The following CNTNAP2 variants were observed in gnomAD, a reference collection of about 807,000 sequenced individuals.
CNTNAP2 encodes contactin-associated protein-like 2.
A neutral mutation model predicts 155.2 loss-of-function variants in CNTNAP2; 98 were observed. That is an observed-to-expected ratio of 0.63 (90% CI 0.54 to 0.75). The LOEUF (loss-of-function observed/expected upper bound fraction) is 0.75. Among genes scored for constraint, CNTNAP2 ranks in the 30% least tolerant of loss-of-function variants. The pLI is 0.00. For missense variants in CNTNAP2, 1,727 were observed against 1,688.1 expected (o/e 1.02, Z -0.40); for synonymous variants, 651 against 631.2 (o/e 1.03, Z -0.47).
Position 147,128,811 on chromosome 7 carries a change from G to A in CNTNAP2, c.1058G>A (p.Arg353Lys). The change falls in exon 7 of 24, where the codon AGG (arginine) becomes AAG (lysine). Residue 353 changes from arginine (R) to lysine (K), a missense_variant. Arg to Lys is a conservative substitution (Grantham distance 26). Transcript: ENST00000361727. ...NGVNITDLAR[R>K]KKLEPSNVGN... ...GTCAACATTACTGATCTTGCCAGAA[G>A]GAAGAAATTAGAGCCCTCAAATGTG... 5 of 1,614,012 alleles carry A rather than the reference G, an allele frequency of 3.1e-6. No homozygotes were observed. Among genetic ancestry groups the A allele is most frequent in the Non-Finnish European group, 4.2e-6 (5 of 1,179,924 alleles).
chr7:148,259,408 T>A (rs534399970), intron 20 of CNTNAP2, among the ~76,000 whole-genome samples: 1 of 151,358 alleles, frequency 6.6e-6, no homozygotes, highest in African/African-American at 2.4e-5. Flanking sequence ...AATCTCTCCA[T>A]AATCACTTTA....
At chr7:147,609,846 G>A (rs997037252) in intron 12 of CNTNAP2, among the ~76,000 whole-genome samples, 5 of 151,994 alleles carry the variant, frequency 3.3e-5, no homozygotes, top group Admixed American at 2.6e-4. Context: ...TTCTTCCCAG[G>A]GAAGAAGGTA....
chr7:146,622,151 G>A (rs546657239), intron 1 of CNTNAP2, among the ~76,000 whole-genome samples: 2 of 101,678 alleles, frequency 2.0e-5, no homozygotes, highest in East Asian at 2.1e-4. Flanking sequence ...ATACACACAC[G>A]TATATATATA....
chr7:147,393,971 T>C (rs188862047), intron 9 of CNTNAP2, among the ~76,000 whole-genome samples: 1 of 152,128 alleles, frequency 6.6e-6, no homozygotes, highest in Admixed American at 6.6e-5. Flanking sequence ...CTATCCTTGG[T>C]CAAAAAGAAT....
At chr7:146,175,328 C>A (rs2116827081) in intron 1 of CNTNAP2, among the ~76,000 whole-genome samples, 1 of 152,226 alleles carries the variant, frequency 6.6e-6, no homozygotes, top group South Asian at 2.1e-4. Context: ...GGCTAAGAGG[C>A]AGTTTTGAAG....
At chr7:147,110,568 C>A (rs1384089046) in intron 5 of CNTNAP2, among the ~76,000 whole-genome samples, 6 of 152,216 alleles carry the variant, frequency 3.9e-5, no homozygotes, top group Admixed American at 2.0e-4. Flanking sequence ...TTGTTCCTCT[C>A]TATGTGTCCA....
chr7:148,284,092 T>C (rs1159748468), intron 21 of CNTNAP2, among the ~76,000 whole-genome samples: 2 of 152,214 alleles, frequency 1.3e-5, no homozygotes, highest in Non-Finnish European at 2.9e-5. Flanking sequence ...TGATGATACA[T>C]TATGTTTTTA....
chr7:147,756,031 C>T (rs1037540104), intron 13 of CNTNAP2, among the ~76,000 whole-genome samples: 2 of 152,164 alleles, frequency 1.3e-5, no homozygotes, highest in Non-Finnish European at 2.9e-5. Flanking sequence ...CTTTTGGGGA[C>T]AGCTAAGTAA....
chr7:146,121,095 G>A (rs1157227080), intron 1 of CNTNAP2, among the ~76,000 whole-genome samples: 1 of 121,796 alleles, frequency 8.2e-6, no homozygotes, highest in African/African-American at 3.0e-5. Flanking sequence ...TTACTCAAAT[G>A]TCTTAAAGTT....
chr7:146,646,628 T>C (rs1442407342), intron 1 of CNTNAP2, among the ~76,000 whole-genome samples: 1 of 152,184 alleles, frequency 6.6e-6, no homozygotes, highest in African/African-American at 2.4e-5. Context: ...GGACATATTC[T>C]CAAATTTTCT....
chr7:146,316,300 G>C (rs1032705514), intron 1 of CNTNAP2, among the ~76,000 whole-genome samples: 1 of 151,734 alleles, frequency 6.6e-6, no homozygotes, highest in South Asian at 2.1e-4. Flanking sequence ...TCCCTTTCTT[G>C]TCAGTTTTAG....
chr7:146,267,181 C>T (rs1165834166), intron 1 of CNTNAP2, among the ~76,000 whole-genome samples: 1 of 151,958 alleles, frequency 6.6e-6, no homozygotes, highest in Non-Finnish European at 1.5e-5. Context: ...GTTTAGTAAC[C>T]CTCTTTTTAT....
At chr7:146,419,652 A>C (rs1349107323) in intron 1 of CNTNAP2, among the ~76,000 whole-genome samples, 2 of 152,290 alleles carry the variant, frequency 1.3e-5, no homozygotes, top group Non-Finnish European at 2.9e-5. Context: ...CAAATGGCAA[A>C]GATATGAAAA....
At chr7:146,860,863 T>C (rs1795085212) in intron 3 of CNTNAP2, among the ~76,000 whole-genome samples, 1 of 152,050 alleles carries the variant, frequency 6.6e-6, no homozygotes, top group Admixed American at 6.6e-5. Context: ...CTCCTTTGGA[T>C]TAAGATAATT....
chr7:146,471,407 C>T (rs2129126667), intron 1 of CNTNAP2, among the ~76,000 whole-genome samples: 1 of 152,336 alleles, frequency 6.6e-6, no homozygotes, highest in Admixed American at 6.5e-5. Flanking sequence ...TCTTGGTTCT[C>T]TGCTTTTATG....
At chr7:147,719,291 T>A (rs561036490) in intron 13 of CNTNAP2, among the ~76,000 whole-genome samples, 2 of 152,188 alleles carry the variant, frequency 1.3e-5, no homozygotes, top group East Asian at 1.9e-4. Context: ...TCTCTCTCTC[T>A]CACATTCGAT....
chr7:146,670,601 G>A (rs542572012), intron 1 of CNTNAP2, among the ~76,000 whole-genome samples: 1 of 152,220 alleles, frequency 6.6e-6, no homozygotes, highest in African/African-American at 2.4e-5. Flanking sequence ...GTGAATAGAA[G>A]CAATCCACTT....
intron 8 of CNTNAP2, among the ~76,000 whole-genome samples, chr7:147,176,984 G>GATATAATTCTATATCTATAATTAT (rs1351340468): frequency 1.5e-5 from 2 of 133,406 alleles, no homozygotes; most frequent in South Asian, 2.3e-4. Context: ...TAAAATTATA[G>GATATAATTCTATATCTATAATTAT]ATATAATTCT....
At chr7:147,168,061 A>C (rs2116469589) in intron 8 of CNTNAP2, among the ~76,000 whole-genome samples, 1 of 148,800 alleles carries the variant, frequency 6.7e-6, no homozygotes, top group South Asian at 2.1e-4. Flanking sequence ...ATGTATATAA[A>C]CATATATATA....
Sources: gnomAD v4.1 joint callset for allele counts (sites outside exome capture counted in the v4.1 genomes callset) on GRCh38, gnomAD v4.1.1 for gene constraint, MANE v1.5 for transcripts, NCBI Gene and HGNC (gene_info 2026-07-23, HGNC 2026-07-21) for gene names.